Variants in NFIB observed in about 807,000 individuals in gnomAD.
NFIB encodes nuclear factor I B.
A neutral mutation model predicts 61.5 loss-of-function variants in NFIB; 11 were observed. That is an observed-to-expected ratio of 0.18 (90% CI 0.11 to 0.30). The LOEUF is 0.30. Among genes scored for constraint, NFIB ranks in the 10% least tolerant of loss-of-function variants. The pLI is 1.00. For missense variants in NFIB, 471 were observed against 608.9 expected (o/e 0.77, Z 2.38); for synonymous variants, 260 against 216.5 (o/e 1.20, Z -1.76).
chr9:14,098,036 G>C (rs926064935), intron 10 of NFIB, among the ~76,000 whole-genome samples: 2 of 151,992 alleles, frequency 1.3e-5, no homozygotes, highest in Admixed American at 6.6e-5. Context: ...ACAGAATGAA[G>C]TATTCAACCC....
At chr9:14,433,743 C>G in the NFIB span, among the ~76,000 whole-genome samples, 1 of 152,174 alleles carries the variant, frequency 6.6e-6, no homozygotes, top group Non-Finnish European at 1.5e-5. Flanking sequence ...ATAAAAAACC[C>G]CACACACAAC....
the NFIB span, among the ~76,000 whole-genome samples, chr9:14,474,696 A>G: frequency 2.0e-5 from 3 of 152,306 alleles, no homozygotes; most frequent in East Asian, 1.9e-4. Context: ...GCACTTTTAA[A>G]ATACAGTGGG....
intron 6 of NFIB, among the ~76,000 whole-genome samples, chr9:14,135,118 G>A (rs900768659): frequency 3.9e-5 from 6 of 152,186 alleles, no homozygotes; most frequent in African/African-American, 1.4e-4. Context: ...TTTATGTGAT[G>A]AGATTACAGG....
chr9:14,427,460 G>T, the NFIB span, among the ~76,000 whole-genome samples: 1 of 152,152 alleles, frequency 6.6e-6, no homozygotes, highest in African/African-American at 2.4e-5. Flanking sequence ...CTTTCCTAAA[G>T]TCATCAAGCA....
the NFIB span, among the ~76,000 whole-genome samples, chr9:14,408,505 G>C: frequency 6.6e-6 from 1 of 151,892 alleles, no homozygotes; most frequent in Non-Finnish European, 1.5e-5. Flanking sequence ...CGGGAATACA[G>C]AAAAAAAGGG....
chr9:14,259,611 G>A (rs1460292049), intron 2 of NFIB, among the ~76,000 whole-genome samples: 1 of 152,112 alleles, frequency 6.6e-6, no homozygotes, highest in African/African-American at 2.4e-5. Context: ...TGTTTAAAAG[G>A]TATTGGTGGC....
intron 4 of NFIB, among the ~76,000 whole-genome samples, chr9:14,153,334 AGT>A (rs1290906106): frequency 6.6e-6 from 1 of 152,168 alleles, no homozygotes; most frequent in Non-Finnish European, 1.5e-5. Flanking sequence ...TTAATGACAG[AGT>A]GTGTGGGAAC....
the NFIB span, among the ~76,000 whole-genome samples, chr9:14,520,167 T>C: frequency 6.6e-6 from 1 of 152,188 alleles, no homozygotes; most frequent in Non-Finnish European, 1.5e-5. Context: ...AAAATAACTC[T>C]TTAGGAAATA....
chr9:14,244,226 A>G (rs1240216909), intron 2 of NFIB, among the ~76,000 whole-genome samples: 1 of 152,218 alleles, frequency 6.6e-6, no homozygotes, highest in Non-Finnish European at 1.5e-5. Flanking sequence ...TTCCTATTTA[A>G]ATAATCCTCT....
intron 2 of NFIB, among the ~76,000 whole-genome samples, chr9:14,298,401 T>C (rs75384485): frequency 6.6e-6 from 1 of 152,152 alleles, no homozygotes; most frequent in African/African-American, 2.4e-5. Context: ...ACCATAAATA[T>C]AAAAAGCTGA....
intron 1 of NFIB, among the ~76,000 whole-genome samples, chr9:14,323,787 A>AT (rs1554713654): frequency 5.8e-4 from 88 of 151,834 alleles, no homozygotes; most frequent in East Asian, 1.5e-3. Flanking sequence ...AACACGCAGT[A>AT]TTTTTTTTTA....
chr9:14,173,645 T>C (rs1403507858), intron 3 of NFIB, among the ~76,000 whole-genome samples: 2 of 152,198 alleles, frequency 1.3e-5, no homozygotes, highest in African/African-American at 4.8e-5. Context: ...GTTCTTGGTA[T>C]AAAATGGTGT....
intron 2 of NFIB, among the ~76,000 whole-genome samples, chr9:14,183,001 T>C (rs1303037532): frequency 6.6e-6 from 1 of 152,124 alleles, no homozygotes; most frequent in African/African-American, 2.4e-5. Flanking sequence ...TTTAAAATGA[T>C]TAATATATTT....
rs573020447 is a variant in NFIB at position 14,388,155 on chromosome 9, G to T, written c.108+10369C>A. 3.3e-5 allele frequency among the ~76,000 whole-genome samples: 5 copies of T among 152,278 alleles called. No individual in the cohort carries two copies. In the South Asian group the frequency reaches 6.2e-4, roughly 19 times the overall value. ...CATAAAAGTATTATAGGATACTACA[G>T]TTAATATTAATAGCTTGAATTACAA... On this transcript the variant is annotated intron_variant, in intron 1 of 8. Coordinates refer to the NFIB transcript ENST00000380934.
At chr9:14,438,011 AGTGT>A in the NFIB span, among the ~76,000 whole-genome samples, 485 of 150,168 alleles carry the variant, frequency 3.2e-3, 7 homozygotes, top group African/African-American at 0.011. Context: ...CCCCCATCCT[AGTGT>A]GTGTGTGTGT....
chr9:14,427,957 T>TTG, the NFIB span, among the ~76,000 whole-genome samples: 1 of 118,910 alleles, frequency 8.4e-6, no homozygotes, highest in East Asian at 2.4e-4. Flanking sequence ...TTTTTTTTTT[T>TTG]TTTTTTTGGC....
At chr9:14,129,412 C>CAA (rs1327769953) in intron 6 of NFIB, among the ~76,000 whole-genome samples, 1 of 128,030 alleles carries the variant, frequency 7.8e-6, no homozygotes. Flanking sequence ...GACAAAAAAA[C>CAA]AAAAAAAAAA....
upstream of NFIB, among the ~76,000 whole-genome samples, chr9:14,402,987 C>T (rs1431471824): frequency 6.6e-6 from 1 of 152,078 alleles, no homozygotes; most frequent in African/African-American, 2.4e-5. Context: ...AATACAGTAC[C>T]AGGAGGTATT....
At chr9:14,203,735 A>C (rs997707391) in intron 2 of NFIB, among the ~76,000 whole-genome samples, 3 of 152,208 alleles carry the variant, frequency 2.0e-5, no homozygotes, top group Admixed American at 1.3e-4. Flanking sequence ...CATAAATAAG[A>C]CTTGGTACCA....
Sources: gnomAD v4.1 joint callset for allele counts (sites outside exome capture counted in the v4.1 genomes callset) on GRCh38, gnomAD v4.1.1 for gene constraint, MANE v1.5 for transcripts, NCBI Gene and HGNC (gene_info 2026-07-23, HGNC 2026-07-21) for gene names.